ADGRE3: variants seen among roughly 807,000 people sequenced by gnomAD.
The protein encoded by ADGRE3 is adhesion G protein-coupled receptor E3, also known as EGF-like module receptor 3.
Under a neutral mutation model 80.1 loss-of-function variants are expected in ADGRE3, and 88 were observed. The ratio of observed to expected loss-of-function variants is 1.10; its 90% CI spans 0.93 to 1.31. The LOEUF (loss-of-function observed/expected upper bound fraction) is 1.31. Among genes scored for constraint, ADGRE3 ranks in the 40% most tolerant of loss-of-function variants. The pLI is 0.00. For synonymous variants in ADGRE3, 281 were observed against 294.8 expected (o/e 0.95, Z 0.48); for missense variants, 715 against 776.5 (o/e 0.92, Z 0.94).
intron 4 of ADGRE3, 27 bp downstream of exon 4, chr19:14,661,936 A>G (rs1444966780): frequency 6.2e-7 from 1 of 1,609,798 alleles, no homozygotes; most frequent in Middle Eastern, 1.7e-4. Context: ...CAGAGGAAGG[A>G]AGGCAGGAGG....
chr19:14,650,914 A>G (rs2146867447), intron 7 of ADGRE3, among the ~76,000 whole-genome samples, 171 bp downstream of exon 7: 1 of 151,050 alleles, frequency 6.6e-6, no homozygotes, highest in South Asian at 2.1e-4. Context: ...ATAACAGAAA[A>G]CCTCCATTTT....
chr19:14,665,565 C>T (rs1369268663), intron 2 of ADGRE3, among the ~76,000 whole-genome samples: 2 of 152,006 alleles, frequency 1.3e-5, no homozygotes, highest in African/African-American at 2.4e-5. Context: ...TCATAGCTCA[C>T]TGCAGCCTCA....
intron 4 of ADGRE3, among the ~76,000 whole-genome samples, chr19:14,661,116 A>G (rs2146892575): frequency 6.6e-6 from 1 of 151,762 alleles, no homozygotes; most frequent in Admixed American, 6.6e-5. Context: ...TAATTTTTGT[A>G]TTTTTAGTAG....
At chr19:14,634,071 C>T (rs1438489453) in intron 11 of ADGRE3, among the ~76,000 whole-genome samples, 4 of 152,172 alleles carry the variant, frequency 2.6e-5, no homozygotes, top group African/African-American at 9.6e-5. Context: ...GCCACCACGC[C>T]CGGCCAACAA....
In ADGRE3 at chr19:14,662,125, C is replaced by T. The variant is rs372429502; in HGVS notation, c.200-7G>A. On this transcript the variant is annotated splice_region_variant and splice_polypyrimidine_tract_variant and intron_variant, in intron 3 of 15. Coordinates refer to ENST00000253673, the MANE Select transcript of ADGRE3 (RefSeq NM_032571.5). ...GGTGTACATTCATTAATGTCTGGAA[C>T]ACAAAGAAGCAATTGGGTCATTCAT... 5.0e-5 allele frequency: 80 copies of T among 1,613,396 alleles called. No individual in the cohort carries two copies. The African/African-American group carries it at 1.0e-3, about 20-fold the overall frequency.
At chr19:14,603,434 CA>C in the ADGRE3 span, among the ~76,000 whole-genome samples, 1 of 151,994 alleles carries the variant, frequency 6.6e-6, no homozygotes, top group Non-Finnish European at 1.5e-5. Context: ...GATAAGGATC[CA>C]ATGAGACAAT....
At chr19:14,605,859 C>A in the ADGRE3 span, among the ~76,000 whole-genome samples, 2 of 152,130 alleles carry the variant, frequency 1.3e-5, no homozygotes, top group Non-Finnish European at 2.9e-5. Context: ...CCACCTCAGC[C>A]TCCTGAGTAG....
chr19:14,630,293 C>T, intron 13 of ADGRE3, 86 bp from the exon 14 acceptor site: 2 of 1,126,650 alleles, frequency 1.8e-6, no homozygotes, highest in Non-Finnish European at 2.4e-6. Flanking sequence ...ATAGTAAGAA[C>T]TCTGGAGCTA....
intron 8 of ADGRE3, among the ~76,000 whole-genome samples, chr19:14,645,832 C>T (rs1046343083): frequency 5.9e-5 from 9 of 151,814 alleles, no homozygotes; most frequent in Non-Finnish European, 1.3e-4. Context: ...GTTAGTTGGG[C>T]GTGGTGGCAC....
the ADGRE3 span, chr19:14,610,002 T>C: frequency 1.6e-6 from 2 of 1,233,840 alleles, no homozygotes; most frequent in African/African-American, 1.5e-5. Flanking sequence ...TACAGTATTA[T>C]ACAGAAGAGT....
downstream of ADGRE3, among the ~76,000 whole-genome samples, chr19:14,618,956 C>T (rs929736387): frequency 6.6e-6 from 1 of 150,586 alleles, no homozygotes; most frequent in African/African-American, 2.4e-5. Context: ...AAGTTTATGG[C>T]CAGGTGCAGT....
At chr19:14,663,591 T>C (rs769097025) in intron 2 of ADGRE3, 51 bp from the exon 3 acceptor site, 1 of 1,576,884 alleles carries the variant, frequency 6.3e-7, no homozygotes, top group South Asian at 1.1e-5. Context: ...CAAACTCTCC[T>C]GTTATAATTA....
At chr19:14,636,046 TTCCTTCCTTCC>T (rs1971039489) in intron 11 of ADGRE3, among the ~76,000 whole-genome samples, 1 of 64,278 alleles carries the variant, frequency 1.6e-5, no homozygotes, top group African/African-American at 4.7e-5. Flanking sequence ...CCTTCCTTCC[TTCCTTCCTTCC>T]TTCCTTTCCT....
At chr19:14,661,219 G>T (rs1050021541) in intron 4 of ADGRE3, among the ~76,000 whole-genome samples, 1 of 152,282 alleles carries the variant, frequency 6.6e-6, no homozygotes, top group African/African-American at 2.4e-5. Context: ...TGGGATTACA[G>T]GCGTGAGCCA....
chr19:14,624,535 T>A (rs1970684394), intron 15 of ADGRE3, among the ~76,000 whole-genome samples: 1 of 151,936 alleles, frequency 6.6e-6, no homozygotes, highest in South Asian at 2.1e-4. Flanking sequence ...GTGGTAGGAC[T>A]GCTCGAGCTG....
chr19:14,636,104 T>TTCTTTC (rs1568481282), intron 11 of ADGRE3, among the ~76,000 whole-genome samples: 1 of 39,876 alleles, frequency 2.5e-5, no homozygotes, highest in African/African-American at 8.6e-5. Flanking sequence ...CTTTCTTTCT[T>TTCTTTC]TCTTTCTTTC....
downstream of ADGRE3, among the ~76,000 whole-genome samples, chr19:14,616,129 A>G (rs2075074173): frequency 6.6e-6 from 1 of 151,942 alleles, no homozygotes; most frequent in South Asian, 2.1e-4. Flanking sequence ...ACGGGGTGTC[A>G]CCATATTGGC....
chr19:14,614,676 A>G (rs1175137659), downstream of ADGRE3, among the ~76,000 whole-genome samples: 1 of 151,128 alleles, frequency 6.6e-6, no homozygotes, highest in East Asian at 1.9e-4. Context: ...TCCTGGGTTC[A>G]AGCCATTCTT....
intron 6 of ADGRE3, among the ~76,000 whole-genome samples, chr19:14,654,512 G>A (rs886851093): frequency 7.7e-4 from 115 of 150,302 alleles, no homozygotes; most frequent in African/African-American, 2.7e-3. Context: ...TAACCCTCCC[G>A]CCTCAGCCTC....
Sources: allele counts gnomAD v4.1 joint callset (sites outside exome capture counted in the v4.1 genomes callset), GRCh38; gene constraint gnomAD v4.1.1; transcripts MANE v1.5; gene names NCBI Gene and HGNC (gene_info 2026-07-23, HGNC 2026-07-21).